TLK1: variants seen among roughly 807,000 people sequenced by gnomAD.
TLK1 encodes serine/threonine-protein kinase tousled-like 1.
In TLK1, 24 loss-of-function variants were observed where a neutral mutation model predicts 105.3. That is an observed-to-expected ratio of 0.23 (90% CI 0.17 to 0.32). TLK1 has a LOEUF of 0.32. Ranked by LOEUF, TLK1 falls within the 10% of genes least tolerant of loss-of-function variation. The pLI is 1.00. For synonymous variants in TLK1, 321 were observed against 310.4 expected, an observed-to-expected ratio of 1.03 and a Z score of -0.36; for missense variants, 558 against 910.5, an observed-to-expected ratio of 0.61 and a Z score of 4.98.
At chr2:171,110,219 C>T (rs1349991639) in intron 2 of TLK1, among the ~76,000 whole-genome samples, 3 of 152,172 alleles carry the variant, frequency 2.0e-5, no homozygotes, top group Admixed American at 6.5e-5. Flanking sequence ...CCTGTAATGC[C>T]AGCACTTTGG....
Position 171,202,646 on chromosome 2 carries a change from A to G in TLK1, c.-6+28499T>C, listed in dbSNP as rs1693426052. Reference sequence around the variant, plus strand: ...GTGGTGTGCGCCGGTAGTCCCAGCTACTTGGGAGGCTGAGGCAGGATAATG... The same window carrying G: ...GTGGTGTGCGCCGGTAGTCCCAGCTGCTTGGGAGGCTGAGGCAGGATAATG... On this transcript the variant is annotated intron_variant, in intron 1 of 20. Transcript: ENST00000521943. Among the ~76,000 whole-genome samples the G allele has an allele frequency of 2.0e-5, 3 of 152,020 alleles. No homozygotes were observed. The South Asian group carries it at 6.2e-4, about 32-fold the overall frequency.
intron 2 of TLK1, among the ~76,000 whole-genome samples, chr2:171,110,344 C>T (rs1314114783): frequency 1.3e-5 from 2 of 152,176 alleles, no homozygotes; most frequent in Non-Finnish European, 2.9e-5. Context: ...TGGCACATGC[C>T]TGTAATCCCA....
At chr2:171,120,452 A>T (rs1282630446) in intron 1 of TLK1, among the ~76,000 whole-genome samples, 1 of 152,144 alleles carries the variant, frequency 6.6e-6, no homozygotes, top group African/African-American at 2.4e-5. Context: ...TCAATAACAA[A>T]AAAAACCCAA....
intron 1 of TLK1, among the ~76,000 whole-genome samples, chr2:171,124,760 T>G (rs1339612236): frequency 1.3e-5 from 2 of 152,230 alleles, no homozygotes; most frequent in African/African-American, 4.8e-5. Flanking sequence ...TCCTTACAGA[T>G]TCCACTTCAG....
At chr2:171,098,414 G>C (rs1272440998) in intron 2 of TLK1, among the ~76,000 whole-genome samples, 2 of 152,004 alleles carry the variant, frequency 1.3e-5, no homozygotes, top group African/African-American at 2.4e-5. Context: ...GGGGTAGAAA[G>C]GTAGAAATAA....
upstream of TLK1, among the ~76,000 whole-genome samples, chr2:171,164,438 G>A (rs1403179662): frequency 6.6e-6 from 1 of 152,104 alleles, no homozygotes; most frequent in African/African-American, 2.4e-5. Flanking sequence ...AGGATCACTT[G>A]AACACAAGAG....
chr2:170,998,655 A>G (rs1209642201), intron 18 of TLK1, among the ~76,000 whole-genome samples: 2 of 152,224 alleles, frequency 1.3e-5, no homozygotes, highest in African/African-American at 4.8e-5. Context: ...ATCACACCAG[A>G]CCGTGAGCAG....
intron 1 of TLK1, among the ~76,000 whole-genome samples, chr2:171,182,935 A>AAAAAAGAAAGAAAGAAAGAAAGAAAG (rs1553487148): frequency 1.6e-5 from 2 of 128,780 alleles, no homozygotes; most frequent in African/African-American, 7.3e-5. Flanking sequence ...AAAAAAAAAA[A>AAAAAAGAAAGAAAGAAAGAAAGAAAG]AAAGAAAGAA....
At chr2:171,199,975 C>A (rs1268362321) in intron 1 of TLK1, among the ~76,000 whole-genome samples, 1 of 152,130 alleles carries the variant, frequency 6.6e-6, no homozygotes, top group Non-Finnish European at 1.5e-5. Context: ...ACATGGCTTA[C>A]AATAATGGCC....
At chr2:171,010,336 A>G (rs1684854374) in intron 14 of TLK1, among the ~76,000 whole-genome samples, 1 of 152,184 alleles carries the variant, frequency 6.6e-6, no homozygotes, top group Admixed American at 6.5e-5. Context: ...GGAAGTCAGA[A>G]GCAGTGTTAA....
At chr2:171,060,839 G>A (rs1220762083) in intron 4 of TLK1, among the ~76,000 whole-genome samples, 1 of 151,996 alleles carries the variant, frequency 6.6e-6, no homozygotes, top group Non-Finnish European at 1.5e-5. Flanking sequence ...AATGAAAAAT[G>A]AAAAGTCATA....
intron 1 of TLK1, among the ~76,000 whole-genome samples, chr2:171,204,556 CAAA>C (rs77025747): frequency 9.4e-6 from 1 of 106,408 alleles, no homozygotes; most frequent in African/African-American, 3.4e-5. Flanking sequence ...TTTGAGCATC[CAAA>C]AAAAAAAAAA....
chr2:171,110,393 T>A (rs1690111920), intron 2 of TLK1, among the ~76,000 whole-genome samples: 1 of 152,144 alleles, frequency 6.6e-6, no homozygotes, highest in African/African-American at 2.4e-5. Flanking sequence ...CGCTTGAACC[T>A]GGGAAGTGGA....
intron 1 of TLK1, among the ~76,000 whole-genome samples, chr2:171,122,431 C>G (rs1017643116): frequency 6.6e-6 from 1 of 152,118 alleles, no homozygotes; most frequent in African/African-American, 2.4e-5. Context: ...ATAAGAAATG[C>G]AAAATCATGG....
rs532491985 is a variant in TLK1, at chr2:171,228,943, A to G, written c.-6+2202T>C. ...TCCCTGCTTAGGAGGTCCCAGCTGC[A>G]TGGAACAGAATTGGGCATCTGACCT... On this transcript the variant is annotated intron_variant, in intron 1 of 20. Coordinates refer to the TLK1 transcript ENST00000521943. Among the ~76,000 whole-genome samples the G allele has an allele frequency of 5.9e-5, 9 of 152,324 alleles. No individual in the cohort carries two copies. In the East Asian group the frequency reaches 1.7e-3, roughly 29 times the overall value.
intron 13 of TLK1, among the ~76,000 whole-genome samples, chr2:171,012,734 C>T (rs1422355149): frequency 6.6e-6 from 1 of 152,164 alleles, no homozygotes; most frequent in Non-Finnish European, 1.5e-5. Flanking sequence ...GCCTCGGCCT[C>T]CCAAAGTACT....
In TLK1 at chr2:171,028,424, T is replaced by C. The variant is rs897148888; in HGVS notation, c.1170-19A>G. 3.3e-6 allele frequency: 5 copies of C among 1,498,806 alleles called. No individual in the cohort carries two copies. The South Asian group carries it at 3.4e-5, about 10-fold the overall frequency. The allele number at this position is 1,498,806 out of a possible 1,614,324, so 92.8% of individuals were successfully genotyped here. Reference sequence around the variant, plus strand: ...AGTCAACCTGTCAAAAATGAAATTTTAATTCTACATATTGAGATTAATACT... The same window carrying C: ...AGTCAACCTGTCAAAAATGAAATTTCAATTCTACATATTGAGATTAATACT... On this transcript the variant is annotated intron_variant, in intron 11 of 20. Coordinates refer to ENST00000431350, the MANE Select transcript of TLK1 (RefSeq NM_012290.5).
At chr2:171,014,612 G>A (rs1197058530) in intron 13 of TLK1, among the ~76,000 whole-genome samples, 1 of 152,094 alleles carries the variant, frequency 6.6e-6, no homozygotes, top group Non-Finnish European at 1.5e-5. Flanking sequence ...TCCAGGCAGA[G>A]GAAATGGTAA....
rs753683071 is a variant in TLK1, at chr2:171,140,862, G to A, written c.139+19428C>T. On this transcript the variant is annotated intron_variant, in intron 1 of 20. Coordinates refer to ENST00000431350, the MANE Select transcript of TLK1 (RefSeq NM_012290.5). ...ATTAAGTTATCAGACACAGACTCTCGAATAAGTATGCTGAGTAGTTAACAC... is the reference window on the plus strand; with the variant it reads ...ATTAAGTTATCAGACACAGACTCTCAAATAAGTATGCTGAGTAGTTAACAC... Among the ~76,000 whole-genome samples, 7 of 152,014 alleles carry A rather than the reference G, an allele frequency of 4.6e-5. No homozygotes were observed. In the East Asian group the frequency reaches 5.8e-4, roughly 13 times the overall value.
Sources: gnomAD v4.1 joint callset for allele counts (sites outside exome capture counted in the v4.1 genomes callset) on GRCh38, gnomAD v4.1.1 for gene constraint, MANE v1.5 for transcripts, NCBI Gene and HGNC (gene_info 2026-07-23, HGNC 2026-07-21) for gene names.